Variants in METRNL observed in about 807,000 individuals in gnomAD.
METRNL encodes meteorin-like protein.
In METRNL, 9 loss-of-function variants were observed where a neutral mutation model predicts 17.4. The ratio of observed to expected loss-of-function variants is 0.52; its 90% CI spans 0.31 to 0.90. The LOEUF (loss-of-function observed/expected upper bound fraction) is 0.90. Among genes scored for constraint, METRNL ranks in the 40% least tolerant of loss-of-function variants. METRNL has a pLI of 0.05. For synonymous variants in METRNL, 215 were observed against 199.3 expected, an observed-to-expected ratio of 1.08 and a Z score of -0.66; for missense variants, 408 against 430.7, an observed-to-expected ratio of 0.95 and a Z score of 0.47.
chr17:83,091,153 C>T (rs910977269), intron 2 of METRNL, among the ~76,000 whole-genome samples: 2 of 152,100 alleles, frequency 1.3e-5, no homozygotes, highest in Non-Finnish European at 2.9e-5. Context: ...AGAGGTGCCC[C>T]CCCAGTGCCA....
Position 83,094,879 on chromosome 17 carries a change from T to G in METRNL, c.*304T>G. 3.2e-6 allele frequency: 1 copy of G among 316,156 alleles called. No homozygotes were observed. Among genetic ancestry groups the G allele is most frequent in the Non-Finnish European group, 5.8e-6 (1 of 173,882 alleles). The allele number at this position is 316,156 out of a possible 1,614,324, so 19.6% of individuals were successfully genotyped here. A position where few individuals can be genotyped will look rare whatever the true frequency, so the allele number is the denominator to read the frequency against. On this transcript the variant is annotated 3_prime_UTR_variant, in exon 4 of 4. Coordinates refer to ENST00000320095, the MANE Select transcript of METRNL (RefSeq NM_001004431.3). ...TGTCTTAAAACGCCTTGGTGTGCCG[T>G]CTGATACTGTTCTCTAAAGACGTTA... is the stretch of plus-strand genomic sequence containing the variant.
At chr17:83,086,024 G>A (rs768304809) in intron 2 of METRNL, among the ~76,000 whole-genome samples, 3 of 152,146 alleles carry the variant, frequency 2.0e-5, no homozygotes, top group East Asian at 1.9e-4. Context: ...GTCACGTGGC[G>A]TCTCTGGACG....
At chr17:83,083,952 C>T (rs1379674017) in intron 1 of METRNL, 1 of 152,166 alleles carries the variant, frequency 6.6e-6, no homozygotes, top group African/African-American at 2.4e-5. Context: ...CTGTTAGCCA[C>T]GAGCTGGCAT....
At chr17:83,086,139 C>T (rs1263327708) in intron 2 of METRNL, among the ~76,000 whole-genome samples, 1 of 152,164 alleles carries the variant, frequency 6.6e-6, no homozygotes, top group African/African-American at 2.4e-5. Context: ...ACCTGTGGGC[C>T]GTGTGACCTC....
chr17:83,082,051 G>T, intron 1 of METRNL: 1 of 985,050 alleles, frequency 1.0e-6, no homozygotes, highest in Non-Finnish European at 1.2e-6. Context: ...GGCCTCTGTT[G>T]CTGGGTGTTT....
chr17:83,081,294 C>G lies in METRNL; in HGVS notation c.170+1309C>G, dbSNP rs941310404. Among the ~76,000 whole-genome samples the G allele has an allele frequency of 1.7e-4, 26 of 152,242 alleles. 1 individual carries two copies. The East Asian group carries it at 4.5e-3, about 26-fold the overall frequency. On this transcript the variant is annotated intron_variant, in intron 1 of 3. Transcript: ENST00000320095. ...TCAGCCCCGGCTCGCTGCCTCTGCC[C>G]GGCGGGTCGGTGCATCCCCGAACCG...
chr17:83,084,015 A>C (rs2038019337), intron 1 of METRNL: 1 of 152,214 alleles, frequency 6.6e-6, no homozygotes, highest in Non-Finnish European at 1.5e-5. Context: ...GTTTCTTGAA[A>C]ATATAACTGT....
Position 83,094,333 on chromosome 17 carries a change from C to G in METRNL, c.694C>G (p.Leu232Val), listed in dbSNP as rs1418822693. 2 of 1,610,208 alleles carry G rather than the reference C, an allele frequency of 1.2e-6. No homozygotes were observed. The highest frequency in any genetic ancestry group is 4.5e-5 in the East Asian group (2 of 44,796). The change falls in exon 4 of 4, where the codon CTC becomes GTC. Residue 232 changes from leucine (L) to valine (V), a missense_variant. By Grantham distance (32) the Leu-to-Val change is conservative (BLOSUM62 1). Transcript: ENST00000320095. Reference protein sequence around the residue: ...DSAIHLRVSRLYRQKSRVFEP... With the variant: ...DSAIHLRVSRVYRQKSRVFEP... ...AGCCATCCACCTGCGCGTGAGCAGA[C>G]TCTATCGGCAGAAAAGCAGGGTCTT... is the stretch of plus-strand genomic sequence containing the variant.
At position 83,088,051 on chromosome 17, in the gene METRNL, G is replaced by A. The variant is rs1165820417; in HGVS notation, c.556+2728G>A. Among the ~76,000 whole-genome samples, 2 of 152,204 alleles carry A rather than the reference G, an allele frequency of 1.3e-5. 1 individual carries two copies. The highest frequency in any genetic ancestry group is 3.9e-4 in the East Asian group (2 of 5,186). ...AACTGAGACACGCCGATGACCAAGA[G>A]TTGGCCGGAACACGGGGGCAGGCTG... On this transcript the variant is annotated intron_variant, in intron 2 of 3. Transcript: ENST00000320095.
At chr17:83,092,328 C>T (rs959072057) in intron 2 of METRNL, 5 of 152,318 alleles carry the variant, frequency 3.3e-5, no homozygotes, top group African/African-American at 1.2e-4. Flanking sequence ...TTAGGGATCC[C>T]CTTCCTGGAA....
rs1053226047 is a variant in METRNL, at chr17:83,094,800, GTTA to G, written c.*230_*232del. The G allele has an allele frequency of 1.3e-5, 5 of 398,504 alleles. No individual in the cohort carries two copies. The highest frequency in any genetic ancestry group is 2.2e-5 in the Non-Finnish European group (5 of 226,934). 24.7% of individuals were successfully genotyped at this position (398,504 alleles called of 1,614,324 possible). A position where few individuals can be genotyped will look rare whatever the true frequency, so the allele number is the denominator to read the frequency against. On this transcript the variant is annotated 3_prime_UTR_variant, in exon 4 of 4. Transcript: ENST00000320095. Reference sequence around the variant, plus strand: ...GGAAATGCTGTAAAATGCAAACTAAGTTATTATATTTTTTTTTGGTAAAAAAGA... The same window carrying G: ...GGAAATGCTGTAAAATGCAAACTAAGTTATATTTTTTTTTGGTAAAAAAGA...
In METRNL at chr17:83,081,810, TC is replaced by T. The variant is rs148889058; in HGVS notation, c.170+1827del. 4.9e-3 allele frequency among the ~76,000 whole-genome samples: 750 copies of T among 152,238 alleles called. 4 individuals are homozygous for T. Among genetic ancestry groups the T allele is most frequent in the African/African-American group, 0.017 (693 of 41,556 alleles). On this transcript the variant is annotated intron_variant, in intron 1 of 3. Transcript: ENST00000320095. ...GTGTTTCTGGGGCGTAAGTGAGACT[TC>T]CTTTTGTTGTGGTCACTGCCCCGTT...
At chr17:83,081,236 C>T (rs372166150) in intron 1 of METRNL, among the ~76,000 whole-genome samples, 3 of 151,994 alleles carry the variant, frequency 2.0e-5, no homozygotes, top group East Asian at 1.9e-4. Flanking sequence ...GCCGACGGCT[C>T]TTCTGGGGCC....
chr17:83,090,707 C>T (rs868856663), intron 2 of METRNL, among the ~76,000 whole-genome samples: 8 of 151,470 alleles, frequency 5.3e-5, no homozygotes, highest in Middle Eastern at 3.4e-3. Context: ...CTCTCTCAGC[C>T]GAGGCCACCT....
chr17:83,092,018 G>A (rs971731021), intron 2 of METRNL, among the ~76,000 whole-genome samples: 6 of 152,258 alleles, frequency 3.9e-5, no homozygotes, highest in East Asian at 1.9e-4. Flanking sequence ...AGGGCAGGGC[G>A]AGGGCTGGGC....
intron 2 of METRNL, chr17:83,092,498 G>T (rs1196910343): frequency 6.6e-6 from 1 of 152,342 alleles, no homozygotes; most frequent in African/African-American, 2.4e-5. Context: ...TCCCGGCGCC[G>T]TGGGCCGTGG....
At chr17:83,094,173 A>G in intron 3 of METRNL, 83 bp from the exon 4 acceptor site, 1 of 1,207,850 alleles carries the variant, frequency 8.3e-7, no homozygotes, top group Admixed American at 2.5e-5. Context: ...GTGCCCATCG[A>G]TGCGGGGGCA....
intron 1 of METRNL, chr17:83,082,175 C>T (rs1313018043): frequency 1.3e-5 from 13 of 985,370 alleles, no homozygotes; most frequent in Non-Finnish European, 1.6e-5. Flanking sequence ...AACTTTCCCA[C>T]TTGCTGTCAG....
intron 1 of METRNL, among the ~76,000 whole-genome samples, chr17:83,081,321 G>C (rs961915394): frequency 6.6e-6 from 1 of 152,160 alleles, no homozygotes; most frequent in Non-Finnish European, 1.5e-5. Context: ...CCCGAACCGA[G>C]GCCCGGGGCG....
Sources: gnomAD v4.1 joint callset for allele counts (sites outside exome capture counted in the v4.1 genomes callset) on GRCh38, gnomAD v4.1.1 for gene constraint, MANE v1.5 for transcripts, NCBI Gene and HGNC (gene_info 2026-07-23, HGNC 2026-07-21) for gene names.